Variants in TJP1 observed in about 807,000 individuals in gnomAD.
TJP1 encodes tight junction protein 1.
Under a neutral mutation model 194.2 loss-of-function variants are expected in TJP1, and 43 were observed. The ratio of observed to expected loss-of-function variants is 0.22; its 90% CI spans 0.17 to 0.29. The LOEUF (loss-of-function observed/expected upper bound fraction) is 0.29. Ranked by LOEUF, TJP1 falls within the 10% of genes least tolerant of loss-of-function variation. The probability of loss-of-function intolerance (pLI) is 1.00; values close to 1 mark genes in which losing one functional copy is unlikely to be tolerated. For synonymous variants in TJP1, 801 were observed against 779.0 expected (o/e 1.03, Z -0.47); for missense variants, 1,971 against 2,185.7 (o/e 0.90, Z 1.96).
intron 2 of TJP1, among the ~76,000 whole-genome samples, chr15:29,880,090 C>T (rs1007037780): frequency 1.3e-5 from 2 of 151,774 alleles, no homozygotes; most frequent in Admixed American, 1.3e-4. Flanking sequence ...ATATTTACTG[C>T]TTTCCTCTCC....
chr15:29,952,492 A>C (rs2152309631), intron 2 of TJP1, among the ~76,000 whole-genome samples: 1 of 152,204 alleles, frequency 6.6e-6, no homozygotes, highest in South Asian at 2.1e-4. Context: ...CCCGGGACCA[A>C]AGCCAACAGG....
At chr15:29,840,864 G>A (rs2051199485) in intron 2 of TJP1, among the ~76,000 whole-genome samples, 1 of 152,156 alleles carries the variant, frequency 6.6e-6, no homozygotes, top group Admixed American at 6.5e-5. Flanking sequence ...AAAGAAGAGA[G>A]CAAGGGCTAA....
chr15:29,818,465 C>T (rs531800399), intron 1 of TJP1, among the ~76,000 whole-genome samples: 2 of 152,336 alleles, frequency 1.3e-5, no homozygotes, highest in East Asian at 1.9e-4. Context: ...ATTCTGACTG[C>T]GAACGCAGAC....
At chr15:29,835,986 G>GT (rs937204371) in intron 2 of TJP1, among the ~76,000 whole-genome samples, 1 of 152,088 alleles carries the variant, frequency 6.6e-6, no homozygotes, top group African/African-American at 2.4e-5. Context: ...AATTTTTCCA[G>GT]TTTTTTTCTT....
chr15:29,717,946 A>T, intron 22 of TJP1, 75 bp downstream of exon 22: 1 of 1,293,348 alleles, frequency 7.7e-7, no homozygotes, highest in Non-Finnish European at 1.1e-6. Context: ...TAACACAGTA[A>T]AAGGTTTTCT....
At chr15:29,824,126 A>C (rs1405853877), upstream of TJP1, 1 of 109,052 alleles carries the variant, frequency 9.2e-6, no homozygotes, top group African/African-American at 3.3e-5. Flanking sequence ...AATGGTGGCC[A>C]GGCGTAGTTG....
chr15:29,945,082 C>T (rs193275005), intron 2 of TJP1, among the ~76,000 whole-genome samples: 21 of 152,276 alleles, frequency 1.4e-4, no homozygotes, highest in Admixed American at 1.2e-3. Context: ...CATACTTGTA[C>T]ACTTGTGATC....
At chr15:29,731,742 C>T (rs911576661) in intron 15 of TJP1, among the ~76,000 whole-genome samples, 9 of 151,590 alleles carry the variant, frequency 5.9e-5, no homozygotes, top group African/African-American at 2.2e-4. Flanking sequence ...CCATGTCCTG[C>T]CTGAAATACC....
At position 29,834,141 on chromosome 15, in the gene TJP1, A is replaced by G. The variant is rs1439606535; in HGVS notation, c.307-33439T>C. On this transcript the variant is annotated intron_variant, in intron 2 of 28. Coordinates refer to the TJP1 transcript ENST00000356107. ...CGTGATCGGCCCACCTCGGCTTCCC[A>G]ATGTGCTGGGATTACAGGCATGAGC... 4.0e-5 allele frequency among the ~76,000 whole-genome samples: 6 copies of G among 151,040 alleles called. No homozygotes were observed. The East Asian group carries it at 1.2e-3, about 30-fold the overall frequency.
intron 2 of TJP1, among the ~76,000 whole-genome samples, chr15:29,782,758 A>G (rs2047442892): frequency 6.6e-6 from 1 of 152,124 alleles, no homozygotes; most frequent in Non-Finnish European, 1.5e-5. Flanking sequence ...GTAAACAGAC[A>G]ACCTACAGAA....
At chr15:29,879,596 C>A (rs1021809454) in intron 2 of TJP1, among the ~76,000 whole-genome samples, 1 of 152,198 alleles carries the variant, frequency 6.6e-6, no homozygotes, top group Non-Finnish European at 1.5e-5. Context: ...TCTACCCTAG[C>A]GACAGCAATC....
At chr15:29,838,529 C>A (rs1202598686) in intron 2 of TJP1, among the ~76,000 whole-genome samples, 1 of 152,126 alleles carries the variant, frequency 6.6e-6, no homozygotes, top group Non-Finnish European at 1.5e-5. Context: ...AACTCTAGAA[C>A]AATATTCAAA....
rs1382880134 is a variant in TJP1 at position 29,708,888 on chromosome 15, T to C, written c.4521A>G (p.Lys1507=). The C allele has an allele frequency of 6.2e-7, 1 of 1,614,160 alleles. No individual in the cohort carries two copies. Among genetic ancestry groups the C allele is most frequent in the Admixed American group, 1.7e-5 (1 of 60,022 alleles). The change falls in exon 25 of 28, where the codon AAA becomes AAG. Residue 1507 remains lysine, a synonymous_variant. Coordinates refer to ENST00000614355, the MANE Select transcript of TJP1 (RefSeq NM_001330239.4). The part of the protein sequence containing the change: ...AFYPQKSFPD[K]APVNGTEQTQ... ...TCTGTTCAGTTCCATTAACTGGGGC[T>C]TTATCTGGAAAACTTTTCTGGGGAT...
chr15:29,911,585 G>A (rs1204288793), intron 2 of TJP1, among the ~76,000 whole-genome samples: 3 of 152,092 alleles, frequency 2.0e-5, no homozygotes, highest in African/African-American at 7.2e-5. Context: ...GAGAGCAAAG[G>A]GGGAGGTGCT....
intron 1 of TJP1, chr15:29,968,010 T>A (rs2056388698): frequency 1.0e-6 from 1 of 953,126 alleles, no homozygotes; most frequent in Non-Finnish European, 1.2e-6. Flanking sequence ...TTATTATTAA[T>A]AAAATGCAAT....
intron 26 of TJP1, 141 bp from the exon 27 acceptor site, chr15:29,704,446 AC>A (rs889260038): frequency 3.2e-6 from 3 of 928,120 alleles, no homozygotes; most frequent in African/African-American, 3.3e-5. Context: ...CCACAAAAAA[AC>A]GTAACAGCAG....
chr15:29,924,253 A>T (rs747483828), intron 2 of TJP1, among the ~76,000 whole-genome samples: 4 of 152,116 alleles, frequency 2.6e-5, no homozygotes, highest in Admixed American at 6.5e-5. Flanking sequence ...TTTTGTAGAG[A>T]CAGGGTTTTG....
Position 29,704,312 on chromosome 15 carries a change from T to C in TJP1, c.5069-7A>G. 2 of 1,585,924 alleles carry C rather than the reference T, an allele frequency of 1.3e-6. No homozygotes were observed. The highest frequency in any genetic ancestry group is 1.7e-6 in the Non-Finnish European group (2 of 1,165,450). The stretch of plus-strand genomic sequence containing the variant: ...GGACTCAGCAGTGTTTCACCTGGAG[T>C]TGGAAAAGGGGATAGGCAGAGAGGA... On this transcript the variant is annotated splice_region_variant and splice_polypyrimidine_tract_variant and intron_variant, in intron 26 of 27. Transcript: ENST00000614355.
intron 2 of TJP1, among the ~76,000 whole-genome samples, chr15:29,846,920 C>T (rs1442970515): frequency 6.7e-6 from 1 of 149,872 alleles, no homozygotes; most frequent in Non-Finnish European, 1.5e-5. Context: ...AGCGGGACTC[C>T]GTCTCAAAGA....
Sources: gnomAD v4.1 joint callset for allele counts (sites outside exome capture counted in the v4.1 genomes callset) on GRCh38, gnomAD v4.1.1 for gene constraint, MANE v1.5 for transcripts, NCBI Gene and HGNC (gene_info 2026-07-23, HGNC 2026-07-21) for gene names.